The following AKR7A3 variants were observed in gnomAD, a reference collection of about 807,000 sequenced individuals.
AKR7A3 encodes aldo-keto reductase family 7 member A3.
Under a neutral mutation model 32.5 loss-of-function variants are expected in AKR7A3, and 37 were observed. The observed-to-expected ratio is 1.14, with a 90% CI of 0.88 to 1.50. The LOEUF (loss-of-function observed/expected upper bound fraction) is 1.50. AKR7A3 is among the 40% of genes most tolerant of loss of function. The pLI is 0.00. For synonymous variants in AKR7A3, 177 were observed against 188.4 expected (o/e 0.94, Z 0.50); for missense variants, 412 against 453.2 (o/e 0.91, Z 0.83).
Position 19,284,104 on chromosome 1 carries a change from A to G in AKR7A3, c.726T>C (p.Phe242=), listed in dbSNP as rs116050237. The G allele has an allele frequency of 0.038, 61,206 of 1,613,124 alleles. 1,331 individuals carry two copies. Among genetic ancestry groups the G allele is most frequent in the South Asian group, 0.055 (5,028 of 91,010 alleles). ...CCTTCTCCACCAGGGCAATGCCCTC[A>G]AAGTGGTGCTCCTTCCAGTAGCTGG... The part of the protein sequence containing the change: ...YRNRYWKEHH[F]EGIALVEKAL... The change falls in exon 6 of 7, where the codon TTT becomes TTC. Residue 242 remains phenylalanine (F), a synonymous_variant. Transcript: ENST00000361640.
chr1:19,277,071 A>T, the AKR7A3 span, among the ~76,000 whole-genome samples: 1 of 151,906 alleles, frequency 6.6e-6, no homozygotes, highest in African/African-American at 2.4e-5. Flanking sequence ...CCGAGGTTGC[A>T]CCACTGCACT....
intron 1 of AKR7A3, 152 bp downstream of exon 1, chr1:19,288,344 G>GC: frequency 2.1e-6 from 2 of 937,510 alleles, no homozygotes; most frequent in Non-Finnish European, 3.0e-6. Context: ...GGAGCCTGGT[G>GC]TTCCCAAGGC....
chr1:19,288,083 G>T (rs1558132900), intron 1 of AKR7A3, among the ~76,000 whole-genome samples: 1 of 152,218 alleles, frequency 6.6e-6, no homozygotes, highest in Non-Finnish European at 1.5e-5. Flanking sequence ...GCCAGGGAGT[G>T]CCAGGCGGTA....
chr1:19,284,811 G>A (rs190967321), intron 4 of AKR7A3, 26 bp from the exon 5 acceptor site: 45 of 1,611,286 alleles, frequency 2.8e-5, no homozygotes, highest in Admixed American at 8.3e-5. Flanking sequence ...AATCAGCCCC[G>A]GGGCCTAGAG....
downstream of AKR7A3, among the ~76,000 whole-genome samples, chr1:19,277,864 C>T (rs1306644451): frequency 2.6e-5 from 4 of 151,932 alleles, no homozygotes; most frequent in African/African-American, 9.7e-5. Flanking sequence ...GTATCTATTG[C>T]AGCTACAAGT....
chr1:19,285,143 G>T (rs774955702), intron 3 of AKR7A3, 29 bp from the exon 4 acceptor site: 5 of 1,606,884 alleles, frequency 3.1e-6, no homozygotes, highest in Middle Eastern at 1.7e-4. Flanking sequence ...CGGGGGAGAG[G>T]GTGGATGTGT....
chr1:19,282,800 C>T lies in AKR7A3; in HGVS notation c.927G>A (p.Pro309=), dbSNP rs758906196. 47 of 1,613,364 alleles carry T rather than the reference C, an allele frequency of 2.9e-5. 1 individual carries two copies. The highest frequency in any genetic ancestry group is 9.4e-5 in the African/African-American group (7 of 74,380). Residue 309 remains proline (P), a synonymous_variant, in exon 7 of 7, where the codon CCG becomes CCA. Coordinates refer to ENST00000361640, the MANE Select transcript of AKR7A3 (RefSeq NM_012067.3). ...LAAAEEGPLE[P]AVVDAFNQAW... is the part of the protein sequence containing the mutation. ...CTTGATTAAAGGCGTCCACGACAGCCGGCTCCAGGGGCCCTTCCTCTGCCG... is the reference window on the plus strand; with the variant it reads ...CTTGATTAAAGGCGTCCACGACAGCTGGCTCCAGGGGCCCTTCCTCTGCCG...
At chr1:19,286,030 C>T (rs369235389) in intron 2 of AKR7A3, 38 bp from the exon 3 acceptor site, 19 of 1,611,910 alleles carry the variant, frequency 1.2e-5, no homozygotes, top group Admixed American at 8.4e-5. Flanking sequence ...ATAGTGCAGC[C>T]CAGACCAGGA....
chr1:19,284,212 C>T, intron 5 of AKR7A3, 87 bp from the exon 6 acceptor site: 5 of 1,510,910 alleles, frequency 3.3e-6, no homozygotes, highest in Non-Finnish European at 3.5e-6. Flanking sequence ...TCCCACCCCA[C>T]ACCCTGCAGC....
intron 1 of AKR7A3, 95 bp downstream of exon 1, chr1:19,288,401 G>A: frequency 6.9e-7 from 1 of 1,450,504 alleles, no homozygotes; most frequent in East Asian, 2.6e-5. Context: ...AAAACTTTGG[G>A]TGCTGCCCCG....
At chr1:19,287,921 G>A (rs1438440135) in intron 1 of AKR7A3, among the ~76,000 whole-genome samples, 2 of 152,198 alleles carry the variant, frequency 1.3e-5, no homozygotes, top group Non-Finnish European at 2.9e-5. Flanking sequence ...CCCTGAGGGA[G>A]CTGCCAAGGC....
Position 19,284,366 on chromosome 1 carries a change from G to A in AKR7A3, c.705-241C>T, listed in dbSNP as rs189114834. 2.2e-4 allele frequency among the ~76,000 whole-genome samples: 34 copies of A among 152,002 alleles called. No homozygotes were observed. The East Asian group carries it at 5.6e-3, about 25-fold the overall frequency. ...TCAGCCTGCTCTTATTTTCCTTAGG[G>A]ACACAAAGGCCGCTAAGATGGGTCA... On this transcript the variant is annotated intron_variant, in intron 5 of 6. Coordinates refer to ENST00000361640, the MANE Select transcript of AKR7A3 (RefSeq NM_012067.3).
chr1:19,281,950 A>C (rs1266561053), downstream of AKR7A3, among the ~76,000 whole-genome samples: 2 of 151,914 alleles, frequency 1.3e-5, no homozygotes, highest in African/African-American at 4.9e-5. Context: ...TGTATCGTGG[A>C]AGCAAATGAC....
the AKR7A3 span, among the ~76,000 whole-genome samples, chr1:19,276,446 A>G: frequency 1.3e-5 from 2 of 151,518 alleles, no homozygotes; most frequent in African/African-American, 2.4e-5. Flanking sequence ...ACAGCAGAAT[A>G]TGCATCCAAG....
At chr1:19,279,239 G>A (rs754467245), downstream of AKR7A3, among the ~76,000 whole-genome samples, 2 of 151,940 alleles carry the variant, frequency 1.3e-5, no homozygotes, top group Non-Finnish European at 2.9e-5. Flanking sequence ...TGAGATTACA[G>A]GCGTGAGCTA....
intron 3 of AKR7A3, 105 bp downstream of exon 3, chr1:19,285,783 G>C: frequency 7.2e-7 from 1 of 1,391,420 alleles, no homozygotes; most frequent in Non-Finnish European, 1.0e-6. Context: ...TTCAGCAGGG[G>C]AGTGGCTGCT....
In AKR7A3 at chr1:19,287,923, T is replaced by G. The variant is rs558364413; in HGVS notation, c.214+573A>C. ...CAATCCCTCATCCCCCTGAGGGAGC[T>G]GCCAAGGCTTCCGGGCACTGCCACC... On this transcript the variant is annotated intron_variant, in intron 1 of 6. Transcript: ENST00000361640. 2.6e-5 allele frequency among the ~76,000 whole-genome samples: 4 copies of G among 152,256 alleles called. No individual in the cohort carries two copies. The South Asian group carries it at 8.3e-4, about 32-fold the overall frequency.
intron 3 of AKR7A3, 131 bp downstream of exon 3, chr1:19,285,757 G>A (rs868725697): frequency 8.9e-7 from 1 of 1,124,710 alleles, no homozygotes. Context: ...GGGTACCTGG[G>A]AGCCATCTGC....
At position 19,286,243 on chromosome 1, in the gene AKR7A3, G is replaced by C; in HGVS notation, c.344C>G (p.Pro115Arg). The change falls in exon 2 of 7, where the codon CCA (proline) becomes CGA (arginine). Residue 115 changes from proline to arginine, a missense_variant. Pro to Arg is a moderately radical substitution (Grantham distance 103). Coordinates refer to ENST00000361640, the MANE Select transcript of AKR7A3 (RefSeq NM_012067.3). ...CTCTTCCACCGGGGTGCTGTGGTCT[G>C]GCATATGCAGGTAGAAGAGGTCCAC... is the stretch of plus-strand genomic sequence containing the variant. ...PRVDLFYLHM[P>R]DHSTPVEETL... 1.2e-6 allele frequency: 2 copies of C among 1,613,582 alleles called. No homozygotes were observed. The highest frequency in any genetic ancestry group is 2.2e-5 in the East Asian group (1 of 44,886).
Sources: allele counts gnomAD v4.1 joint callset (sites outside exome capture counted in the v4.1 genomes callset), GRCh38; gene constraint gnomAD v4.1.1; transcripts MANE v1.5; gene names NCBI Gene and HGNC (gene_info 2026-07-23, HGNC 2026-07-21).